The following MARK2 variants were observed in gnomAD, a reference collection of about 807,000 sequenced individuals.
MARK2 encodes the protein serine/threonine-protein kinase MARK2.
MARK2 carries 16 observed loss-of-function variants against 89.8 expected under a neutral mutation model. The ratio of observed to expected loss-of-function variants is 0.18; its 90% confidence interval spans 0.12 to 0.27. The LOEUF (loss-of-function observed/expected upper bound fraction) is 0.27, where lower values mean the gene tolerates loss of function less well. Ranked by LOEUF, MARK2 falls within the 10% of genes least tolerant of loss-of-function variation. The pLI is 1.00. For synonymous variants in MARK2, 382 were observed against 399.5 expected, an observed-to-expected ratio of 0.96 and a Z score of 0.52; for missense variants, 621 against 1,049.9, an observed-to-expected ratio of 0.59 and a Z score of 5.65.
At chr11:63,865,864 C>T (rs1007239736) in intron 1 of MARK2, among the ~76,000 whole-genome samples, 3 of 152,064 alleles carry the variant, frequency 2.0e-5, no homozygotes, top group Admixed American at 1.3e-4. Context: ...CTTTATTAAG[C>T]TCATGTCTTT....
chr11:63,873,945 C>G lies in MARK2; in HGVS notation c.55-21214C>G, dbSNP rs140103010. The stretch of plus-strand genomic sequence containing the variant: ...TACAGGCATGAGCTACTGTGCCCAG[C>G]CTGAAGATTGGTTATTTAGGGGCTG... On this transcript the variant is annotated intron_variant, in intron 1 of 18. Transcript: ENST00000402010. Among the ~76,000 whole-genome samples the G allele has an allele frequency of 8.2e-3, 1,245 of 152,318 alleles. 22 individuals are homozygous for G. The highest frequency in any genetic ancestry group is 0.029 in the African/African-American group (1,198 of 41,578).
rs373836652 is a variant in MARK2, at chr11:63,848,999, G to A, written c.54+9439G>A. On this transcript the variant is annotated intron_variant, in intron 1 of 18. Coordinates refer to ENST00000402010, the MANE Select transcript of MARK2 (RefSeq NM_001039469.3). ...TGAGATTGCAGGCGTGAGCCACCGCGCCTGACCTTGTTGGTGTTTTTAAGA... is the reference window on the plus strand; with the variant it reads ...TGAGATTGCAGGCGTGAGCCACCGCACCTGACCTTGTTGGTGTTTTTAAGA... Among the ~76,000 whole-genome samples the A allele has an allele frequency of 9.2e-5, 14 of 152,104 alleles. No individual in the cohort carries two copies. In the East Asian group the frequency reaches 1.6e-3, roughly 17 times the overall value.
At chr11:63,884,363 G>C (rs941909522) in intron 1 of MARK2, among the ~76,000 whole-genome samples, 3 of 152,260 alleles carry the variant, frequency 2.0e-5, no homozygotes, top group African/African-American at 7.2e-5. Context: ...GTGAGCTGGA[G>C]GTTGCTCTCT....
chr11:63,906,901 T>C (rs1009667400), intron 17 of MARK2, among the ~76,000 whole-genome samples: 2 of 150,418 alleles, frequency 1.3e-5, no homozygotes, highest in South Asian at 2.1e-4. Flanking sequence ...TCTCCAGATA[T>C]GGCCTGTCTC....
At position 63,898,779 on chromosome 11, in the gene MARK2, C is replaced by T. The variant is rs761844930; in HGVS notation, c.420C>T (p.Tyr140=). Reference sequence around the variant, plus strand: ...CTCTTACAGGAGAGGTATTTGATTACCTAGTGGCTCATGGCAGGATGAAAG... The same window carrying T: ...CTCTTACAGGAGAGGTATTTGATTATCTAGTGGCTCATGGCAGGATGAAAG... ...EYASGGEVFD[Y]LVAHGRMKEK... Residue 140 remains tyrosine (Y), a synonymous_variant, in exon 6 of 19, where the codon TAC becomes TAT. Transcript: ENST00000402010. The T allele has an allele frequency of 1.9e-5, 31 of 1,614,144 alleles. No homozygotes were observed. The highest frequency in any genetic ancestry group is 2.6e-5 in the Non-Finnish European group (31 of 1,180,006).
At chr11:63,890,303 AG>A in intron 1 of MARK2, 1 of 1,340,800 alleles carries the variant, frequency 7.5e-7, no homozygotes, top group Non-Finnish European at 9.8e-7. Flanking sequence ...GGGGTAAGTA[AG>A]GGAAGGATTG....
In MARK2 at chr11:63,909,359, C is replaced by T. The variant is rs369497487; in HGVS notation, c.*122C>T. The T allele has an allele frequency of 5.7e-6, 6 of 1,054,202 alleles. No homozygotes were observed. The African/African-American group carries it at 9.8e-5, about 17-fold the overall frequency. 65.3% of individuals were successfully genotyped at this position (1,054,202 alleles called of 1,614,324 possible). On this transcript the variant is annotated 3_prime_UTR_variant, in exon 19 of 19. Coordinates refer to ENST00000402010, the MANE Select transcript of MARK2 (RefSeq NM_001039469.3). ...GTGTGTCTCCCCTGCTGGCACTTCT[C>T]CCCTCCCTGGCCCTTCTCAGTTTTC...
At chr11:63,880,129 T>TG (rs1392340054) in intron 1 of MARK2, 3 of 95,920 alleles carry the variant, frequency 3.1e-5, no homozygotes, top group African/African-American at 9.3e-5. Flanking sequence ...TGAGTTTTTT[T>TG]TTTGTTTTTT....
chr11:63,877,703 A>G (rs1355328996), intron 1 of MARK2, among the ~76,000 whole-genome samples: 5 of 152,100 alleles, frequency 3.3e-5, no homozygotes, highest in Admixed American at 1.3e-4. Context: ...TCAAAAAAAA[A>G]GTGCTTTTTA....
intron 1 of MARK2, among the ~76,000 whole-genome samples, chr11:63,843,134 G>A (rs534785607): frequency 4.0e-4 from 61 of 152,312 alleles, no homozygotes; most frequent in African/African-American, 1.4e-3. Context: ...GGGGCTCGTA[G>A]CTTGGGGGAT....
At chr11:63,880,419 C>T (rs941738459) in intron 1 of MARK2, among the ~76,000 whole-genome samples, 2 of 152,000 alleles carry the variant, frequency 1.3e-5, no homozygotes, top group African/African-American at 4.8e-5. Context: ...TACATTGGTT[C>T]AAGTAACAAA....
chr11:63,902,445 G>A lies in MARK2; in HGVS notation c.1234+115G>A. The A allele has an allele frequency of 6.9e-7, 1 of 1,455,034 alleles. No individual in the cohort carries two copies. The highest frequency in any genetic ancestry group is 9.5e-7 in the Non-Finnish European group (1 of 1,051,844). The allele number at this position is 1,455,034 out of a possible 1,614,324, so 90.1% of individuals were successfully genotyped here. On this transcript the variant is annotated intron_variant, in intron 12 of 18. Transcript: ENST00000402010. The surrounding 1 kb of genome is among the most constrained non-coding windows in gnomAD (Gnocchi z 4.2). Reference sequence around the variant, plus strand: ...TCAGTCCTGGTTCAGCCACTTATTAGTAGTGTGGCTATGGGCAAGCCACTT... The same window carrying A: ...TCAGTCCTGGTTCAGCCACTTATTAATAGTGTGGCTATGGGCAAGCCACTT...
At chr11:63,870,574 A>G (rs546393295) in intron 1 of MARK2, among the ~76,000 whole-genome samples, 1 of 152,274 alleles carries the variant, frequency 6.6e-6, no homozygotes, top group Admixed American at 6.5e-5. Context: ...GTGGCTGGGC[A>G]CTGAAGACAC....
chr11:63,909,156 G>A lies in MARK2; in HGVS notation c.2286G>A (p.Gly762=), dbSNP rs1027182500. ...AACTGCCGCGGCTCTCTCTCAACGG[G>A]GTTCGATTTAAGCGGATATCGGGCA... ...VCKLPRLSLN[G]VRFKRISGTS... Residue 762 remains glycine, a synonymous_variant, in exon 19 of 19, where the codon GGG becomes GGA. Coordinates refer to ENST00000402010, the MANE Select transcript of MARK2 (RefSeq NM_001039469.3). The A allele has an allele frequency of 6.8e-6, 11 of 1,613,628 alleles. No individual in the cohort carries two copies. The highest frequency in any genetic ancestry group is 4.0e-5 in the African/African-American group (3 of 75,046).
intron 1 of MARK2, among the ~76,000 whole-genome samples, chr11:63,871,248 G>A (rs569152010): frequency 2.6e-5 from 4 of 152,302 alleles, no homozygotes; most frequent in Non-Finnish European, 5.9e-5. Flanking sequence ...TCCCCCCACC[G>A]CCATGTGCCA....
Position 63,895,188 on chromosome 11 carries a change from C to T in MARK2, c.84C>T (p.Pro28=). 1 of 1,613,838 alleles carries T rather than the reference C, an allele frequency of 6.2e-7. No individual in the cohort carries two copies. The highest frequency in any genetic ancestry group is 1.1e-5 in the South Asian group (1 of 91,030). ...CCTTGGGACACCTTGACTCCAAGCC[C>T]AGCAGTAAGTCCAACATGATTCGGG... is the stretch of plus-strand genomic sequence containing the variant. ...QPTLGHLDSK[P]SSKSNMIRGR... Residue 28 remains proline (P), a synonymous_variant, in exon 2 of 19, where the codon CCC becomes CCT. Coordinates refer to ENST00000402010, the MANE Select transcript of MARK2 (RefSeq NM_001039469.3).
chr11:63,847,125 G>A (rs527415451), intron 1 of MARK2, among the ~76,000 whole-genome samples: 7 of 152,190 alleles, frequency 4.6e-5, no homozygotes, highest in Non-Finnish European at 1.0e-4. Flanking sequence ...CCCATCTCAA[G>A]ATAAATAAGG....
intron 1 of MARK2, among the ~76,000 whole-genome samples, chr11:63,875,474 A>T (rs1938694318): frequency 6.6e-6 from 1 of 151,894 alleles, no homozygotes; most frequent in South Asian, 2.1e-4. Flanking sequence ...CTGGTCTCGA[A>T]CTCCTTGCCT....
intron 1 of MARK2, among the ~76,000 whole-genome samples, chr11:63,889,322 T>C (rs1213089020): frequency 1.3e-5 from 2 of 152,198 alleles, no homozygotes; most frequent in East Asian, 3.9e-4. Flanking sequence ...CCCCCAACTC[T>C]ATAGTGCCTG....
Sources: gnomAD v4.1 joint callset for allele counts (sites outside exome capture counted in the v4.1 genomes callset) on GRCh38, gnomAD v4.1.1 for gene constraint, Gnocchi (gnomAD v3.1) non-coding constraint, MANE v1.5 for transcripts, NCBI Gene and HGNC (gene_info 2026-07-23, HGNC 2026-07-21) for gene names.